Variants in RASSF8 observed in about 807,000 individuals in gnomAD.
RASSF8 encodes the protein Ras association domain family member 8.
Under a neutral mutation model 48.5 loss-of-function variants are expected in RASSF8, and 22 were observed. That is an observed-to-expected ratio of 0.45 (90% confidence interval 0.32 to 0.65). The LOEUF (loss-of-function observed/expected upper bound fraction) is 0.65. RASSF8 is among the 30% of genes least tolerant of loss of function. The pLI is 0.03. For synonymous variants in RASSF8, 127 were observed against 171.5 expected (o/e 0.74, Z 2.03); for missense variants, 418 against 489.2 (o/e 0.85, Z 1.37).
chr12:26,067,512 T>G, intron 4 of RASSF8, 57 bp from the exon 5 acceptor site: 1 of 1,496,828 alleles, frequency 6.7e-7, no homozygotes, highest in Non-Finnish European at 9.1e-7. Context: ...CACAAAGATG[T>G]CTTGCACTGT....
intron 1 of RASSF8, among the ~76,000 whole-genome samples, chr12:25,979,492 TA>T (rs200095674): frequency 2.2e-4 from 33 of 149,460 alleles, no homozygotes; most frequent in East Asian, 7.8e-4. Flanking sequence ...ATTGGAGACT[TA>T]AAAAAAAAAG....
At position 26,069,762 on chromosome 12, in the gene RASSF8, A is replaced by G; in HGVS notation, c.*944A>G. ...GATGTATTTTAAAATAACCCGCTTC[A>G]TATGTATGATCTGTTGGTGTACACA... On this transcript the variant is annotated 3_prime_UTR_variant, in exon 6 of 6. Transcript: ENST00000689635. The G allele has an allele frequency of 3.0e-6, 3 of 985,244 alleles. No individual in the cohort carries two copies. The highest frequency in any genetic ancestry group is 3.6e-6 in the Non-Finnish European group (3 of 829,764). The allele number at this position is 985,244 out of a possible 1,614,324, so 61.0% of individuals were successfully genotyped here. A position where few individuals can be genotyped will look rare whatever the true frequency, so the allele number is the denominator to read the frequency against.
intron 3 of RASSF8, among the ~76,000 whole-genome samples, chr12:26,057,658 G>A (rs190429672): frequency 3.3e-5 from 5 of 152,286 alleles, no homozygotes; most frequent in African/African-American, 9.6e-5. Flanking sequence ...TGGGATGGCT[G>A]GGTCAAATGG....
At chr12:26,013,738 A>C (rs539759364) in intron 2 of RASSF8, among the ~76,000 whole-genome samples, 1 of 152,150 alleles carries the variant, frequency 6.6e-6, no homozygotes, top group Non-Finnish European at 1.5e-5. Context: ...ATTTTTAAAG[A>C]TGTTTTTCTA....
At chr12:26,033,946 C>T (rs58237056) in intron 2 of RASSF8, among the ~76,000 whole-genome samples, 3,081 of 152,110 alleles carry the variant, frequency 0.02, 98 homozygotes, top group African/African-American at 0.069. Context: ...TATTCTGAGT[C>T]GTTGTATGTG....
chr12:26,025,979 A>G (rs1478736496), intron 2 of RASSF8, among the ~76,000 whole-genome samples: 1 of 152,192 alleles, frequency 6.6e-6, no homozygotes, highest in African/African-American at 2.4e-5. Flanking sequence ...ACACGTATAT[A>G]AAAATTAAGT....
chr12:26,068,141 AAGTGGGACACTTAAAAATT>A (rs1943920954), intron 5 of RASSF8, among the ~76,000 whole-genome samples: 1 of 152,172 alleles, frequency 6.6e-6, no homozygotes, highest in African/African-American at 2.4e-5. Flanking sequence ...GCTAATTTTT[AAGTGGGACACTTAAAAATT>A]CTTTTTTTAA....
chr12:25,975,497 G>A lies in RASSF8; in HGVS notation c.-203+16349G>A, dbSNP rs148351389. On this transcript the variant is annotated intron_variant, in intron 1 of 5. Coordinates refer to ENST00000689635, the MANE Select transcript of RASSF8 (RefSeq NM_001394098.1). The stretch of plus-strand genomic sequence containing the variant: ...TTGGGATTGCTTTAGAATAACCTGG[G>A]TTCAGCATACTGCTCAGTGTCTTCC... 3.1e-3 allele frequency among the ~76,000 whole-genome samples: 469 copies of A among 152,320 alleles called. 6 individuals carry two copies. Among genetic ancestry groups the A allele is most frequent in the African/African-American group, 0.011 (449 of 41,584 alleles).
downstream of RASSF8, among the ~76,000 whole-genome samples, chr12:26,074,198 G>A (rs115030925): frequency 1.2e-4 from 18 of 152,104 alleles, no homozygotes; most frequent in Non-Finnish European, 2.2e-4. Context: ...CTCCACATAC[G>A]TGTGCTGTGT....
intron 2 of RASSF8, among the ~76,000 whole-genome samples, chr12:26,049,058 C>T (rs1943435156): frequency 6.6e-6 from 1 of 152,092 alleles, no homozygotes; most frequent in African/African-American, 2.4e-5. Flanking sequence ...GTGCCCAGCC[C>T]TCCTTCATCT....
chr12:26,005,840 T>A (rs1942378168), intron 2 of RASSF8, among the ~76,000 whole-genome samples: 2 of 152,218 alleles, frequency 1.3e-5, no homozygotes, highest in African/African-American at 4.8e-5. Flanking sequence ...CTTAGAAATT[T>A]TAGAAAAACT....
chr12:26,024,544 C>G (rs1471685712), intron 2 of RASSF8, among the ~76,000 whole-genome samples: 1 of 152,152 alleles, frequency 6.6e-6, no homozygotes, highest in Non-Finnish European at 1.5e-5. Context: ...TAAATAAATA[C>G]AGATGCAAAA....
intron 1 of RASSF8, among the ~76,000 whole-genome samples, chr12:25,990,801 A>G (rs17458637): frequency 0.099 from 15,002 of 152,268 alleles, 787 homozygotes; most frequent in Middle Eastern, 0.15. Context: ...TTGTGGATAC[A>G]CAGGGATATC....
At chr12:26,002,383 A>T (rs1942280704) in intron 2 of RASSF8, among the ~76,000 whole-genome samples, 2 of 152,144 alleles carry the variant, frequency 1.3e-5, no homozygotes, top group East Asian at 3.9e-4. Flanking sequence ...CAGTGAGCCG[A>T]GATTGCGTCA....
intron 2 of RASSF8, among the ~76,000 whole-genome samples, chr12:26,028,999 G>A (rs1159710160): frequency 6.6e-6 from 1 of 152,180 alleles, no homozygotes; most frequent in East Asian, 1.9e-4. Context: ...AAATTTTACT[G>A]CAGTGTTAGT....
intron 2 of RASSF8, among the ~76,000 whole-genome samples, chr12:25,996,059 T>C (rs1942125526): frequency 6.6e-6 from 1 of 152,196 alleles, no homozygotes; most frequent in African/African-American, 2.4e-5. Flanking sequence ...AAACCACAAA[T>C]CCACATCCTC....
chr12:26,062,587 A>G (rs1591814831), intron 3 of RASSF8, among the ~76,000 whole-genome samples: 2 of 152,366 alleles, frequency 1.3e-5, no homozygotes, highest in South Asian at 4.1e-4. Context: ...AGGCAGAGCC[A>G]CATTTGAACC....
intron 1 of RASSF8, among the ~76,000 whole-genome samples, chr12:25,963,036 C>T (rs1368233479): frequency 6.6e-6 from 1 of 151,892 alleles, no homozygotes; most frequent in Admixed American, 6.6e-5. Flanking sequence ...CTTACTGTGC[C>T]TTACTATTTT....
downstream of RASSF8, among the ~76,000 whole-genome samples, chr12:26,077,868 T>G (rs533877973): frequency 1.3e-5 from 2 of 152,194 alleles, no homozygotes; most frequent in South Asian, 4.1e-4. Flanking sequence ...TGTAATTGAG[T>G]TTCAGAGTGC....
Sources: allele counts gnomAD v4.1 joint callset (sites outside exome capture counted in the v4.1 genomes callset), GRCh38; gene constraint gnomAD v4.1.1; transcripts MANE v1.5; gene names NCBI Gene and HGNC (gene_info 2026-07-23, HGNC 2026-07-21).